Variants in THAP3 observed in about 807,000 individuals in gnomAD.
THAP3 encodes THAP domain-containing protein 3.
In THAP3, 12 loss-of-function variants were observed where a neutral mutation model predicts 17.7. The observed-to-expected ratio is 0.68, with a 90% confidence interval of 0.43 to 1.10. THAP3 has a LOEUF of 1.10. Ranked by LOEUF, THAP3 falls within the 50% of genes least tolerant of loss-of-function variation. The probability of loss-of-function intolerance (pLI) is 0.00; values close to 1 mark genes in which losing one functional copy is unlikely to be tolerated. For synonymous variants in THAP3, 133 were observed against 126.9 expected (o/e 1.05, Z -0.32); for missense variants, 289 against 318.0 (o/e 0.91, Z 0.69).
chr1:6,625,662 C>A (rs1038941727), intron 2 of THAP3, among the ~76,000 whole-genome samples: 1 of 152,002 alleles, frequency 6.6e-6, no homozygotes, highest in African/African-American at 2.4e-5. Context: ...AGGAGTGGAA[C>A]CCCCAGGGGC....
intron 3 of THAP3, among the ~76,000 whole-genome samples, chr1:6,629,888 C>T (rs1357011946): frequency 1.3e-5 from 2 of 152,218 alleles, no homozygotes; most frequent in African/African-American, 2.4e-5. Context: ...CGGCCTCTGC[C>T]AGCTCTGCTT....
At position 6,632,791 on chromosome 1, in the gene THAP3, C is replaced by T. The variant is rs1256484016; in HGVS notation, c.439-5C>T. 1 of 1,612,884 alleles carries T rather than the reference C, an allele frequency of 6.2e-7. No homozygotes were observed. Among genetic ancestry groups the T allele is most frequent in the East Asian group, 2.2e-5 (1 of 44,882 alleles). ...AGCTCTAGGCTCTCACTCCCCTGTC[C>T]TCAGGTCTCGCCACGGAGGCCGCAA... On this transcript the variant is annotated splice_region_variant and splice_polypyrimidine_tract_variant and intron_variant, in intron 5 of 5. Coordinates refer to ENST00000054650, the MANE Select transcript of THAP3 (RefSeq NM_001195753.2).
chr1:6,626,335 C>A (rs61782531), intron 2 of THAP3, among the ~76,000 whole-genome samples: 4 of 152,006 alleles, frequency 2.6e-5, no homozygotes, highest in African/African-American at 9.7e-5. Context: ...ATCACTACCC[C>A]CGAGAAGAAC....
Position 6,625,212 on chromosome 1 carries a change from G to A in THAP3, c.-7G>A. On this transcript the variant is annotated 5_prime_UTR_variant, in exon 2 of 6. Coordinates refer to ENST00000054650, the MANE Select transcript of THAP3 (RefSeq NM_001195753.2). The stretch of plus-strand genomic sequence containing the variant: ...TCTTTGTTGGGGGCAGCCAGGCCTG[G>A]CTCGAGATGCCGAAGTCGTGCGCGG... 6.5e-7 allele frequency: 1 copy of A among 1,540,582 alleles called. No individual in the cohort carries two copies. Among genetic ancestry groups the A allele is most frequent in the South Asian group, 1.2e-5 (1 of 83,456 alleles).
chr1:6,634,543 G>A (rs1259404189), downstream of THAP3: 8 of 1,364,052 alleles, frequency 5.9e-6, no homozygotes, highest in South Asian at 2.3e-5. Context: ...CCACCTGTGC[G>A]GCGCTTGCTC....
At chr1:6,633,839 G>A (rs1641697246), downstream of THAP3, among the ~76,000 whole-genome samples, 2 of 150,854 alleles carry the variant, frequency 1.3e-5, no homozygotes, top group African/African-American at 4.9e-5. Context: ...GAACCCGGGA[G>A]GTGGAGGTTG....
chr1:6,628,335 T>C, intron 2 of THAP3, 164 bp from the exon 3 acceptor site: 1 of 626,054 alleles, frequency 1.6e-6, no homozygotes, highest in Middle Eastern at 4.4e-4. Flanking sequence ...CTTTAACAGC[T>C]GTGACAGAAG....
chr1:6,632,362 T>C, intron 4 of THAP3, 29 bp from the exon 5 acceptor site: 1 of 1,612,518 alleles, frequency 6.2e-7, no homozygotes, highest in African/African-American at 1.3e-5. Context: ...TGCAGGGCTG[T>C]AGTGCAGACT....
chr1:6,629,348 G>A (rs1187679202), intron 3 of THAP3, among the ~76,000 whole-genome samples: 3 of 152,232 alleles, frequency 2.0e-5, no homozygotes, highest in Non-Finnish European at 2.9e-5. Context: ...AAAGGGATCC[G>A]TGAGTGGAGA....
chr1:6,629,410 G>A (rs891101836), intron 3 of THAP3, among the ~76,000 whole-genome samples: 2 of 152,158 alleles, frequency 1.3e-5, no homozygotes, highest in Admixed American at 6.5e-5. Context: ...CGCCCAGAGC[G>A]GCCGCCTGGG....
chr1:6,632,713 G>C lies in THAP3; in HGVS notation c.439-83G>C, dbSNP rs745878631. ...TGTCTAGCTGCCCTGGGGTTGTGCT[G>C]TGTGCGTGTCTGGTGGCCTGCTCAC... On this transcript the variant is annotated intron_variant, in intron 5 of 5. Transcript: ENST00000054650. The C allele has an allele frequency of 3.9e-6, 6 of 1,551,088 alleles. No individual in the cohort carries two copies. The African/African-American group carries it at 8.2e-5, about 21-fold the overall frequency.
chr1:6,629,207 G>A (rs1641543716), intron 3 of THAP3, among the ~76,000 whole-genome samples: 1 of 152,222 alleles, frequency 6.6e-6, no homozygotes, highest in Non-Finnish European at 1.5e-5. Flanking sequence ...GGCTCACAAA[G>A]AGTTGGATGC....
At chr1:6,628,295 C>G in intron 2 of THAP3, 1 of 527,562 alleles carries the variant, frequency 1.9e-6, no homozygotes, top group African/African-American at 2.0e-5. Context: ...TCTGGCCATG[C>G]TCGTGGTCTC....
At chr1:6,630,374 A>C in intron 4 of THAP3, 21 bp downstream of exon 4, 2 of 1,612,830 alleles carry the variant, frequency 1.2e-6, no homozygotes, top group Non-Finnish European at 1.7e-6. Context: ...CGGGCCAGGT[A>C]CTTGAATGTT....
At chr1:6,628,712 C>T (rs377694928) in intron 3 of THAP3, 21 bp downstream of exon 3, 2 of 1,603,192 alleles carry the variant, frequency 1.2e-6, no homozygotes, top group African/African-American at 1.3e-5. Context: ...ACTGCACCTT[C>T]CGTCTGGTCA....
At position 6,630,310 on chromosome 1, in the gene THAP3, C is replaced by T; in HGVS notation, c.290C>T (p.Pro97Leu). Reference protein sequence around the residue: ...PTQQVRENTDPASERGNASSS... With the variant: ...PTQQVRENTDLASERGNASSS... ...TAGCAGGTGAGGGAGAACACAGACC[C>T]TGCCAGTGAGAGAGGAAATGCCAGC... Residue 97 changes from proline (P) to leucine (L), a missense_variant, in exon 4 of 6, where the codon CCT becomes CTT. Pro to Leu is a moderately conservative substitution (Grantham distance 98, BLOSUM62 -3). Transcript: ENST00000054650. The T allele has an allele frequency of 6.2e-7, 1 of 1,614,182 alleles. No individual in the cohort carries two copies. The highest frequency in any genetic ancestry group is 2.2e-5 in the East Asian group (1 of 44,876).
At chr1:6,626,036 G>A (rs1641462407) in intron 2 of THAP3, among the ~76,000 whole-genome samples, 1 of 152,178 alleles carries the variant, frequency 6.6e-6, no homozygotes, top group Admixed American at 6.5e-5. Context: ...AGCTGGGCGC[G>A]GTGGCTCAAG....
chr1:6,624,929 A>G lies in THAP3; in HGVS notation c.-95A>G. On this transcript the variant is annotated 5_prime_UTR_variant, in exon 1 of 6. The change abolishes the stop of an existing upstream ORF in the 5' untranslated region. Coordinates refer to ENST00000054650, the MANE Select transcript of THAP3 (RefSeq NM_001195753.2). ...GTTGGGTGCTCAAAGCAAGGAGGTGAAAGGCGACCAGCATTGGCGAATGGG... is the reference window on the plus strand; with the variant it reads ...GTTGGGTGCTCAAAGCAAGGAGGTGGAAGGCGACCAGCATTGGCGAATGGG... 2.2e-6 allele frequency: 1 copy of G among 463,602 alleles called. No homozygotes were observed. Among genetic ancestry groups the G allele is most frequent in the Non-Finnish European group, 3.9e-6 (1 of 259,028 alleles). 28.7% of individuals were successfully genotyped at this position (463,602 alleles called of 1,614,324 possible). A position where few individuals can be genotyped will look rare whatever the true frequency, so the allele number is the denominator to read the frequency against.
intron 4 of THAP3, 39 bp downstream of exon 4, chr1:6,630,392 T>C: frequency 1.2e-6 from 2 of 1,603,492 alleles, no homozygotes; most frequent in Non-Finnish European, 1.7e-6. Context: ...GTTTAAATTA[T>C]GCTGTGGGTT....
Sources: allele counts gnomAD v4.1 joint callset (sites outside exome capture counted in the v4.1 genomes callset), GRCh38; gene constraint gnomAD v4.1.1; transcripts MANE v1.5; gene names NCBI Gene and HGNC (gene_info 2026-07-23, HGNC 2026-07-21).